Variants in MALRD1 observed in about 807,000 individuals in gnomAD.
MALRD1 encodes MAM and LDL-receptor class A domain-containing protein 1.
MALRD1 carries 247 observed loss-of-function variants against 242.1 expected under a neutral mutation model. That is an observed-to-expected ratio of 1.02 (90% CI 0.92 to 1.13). MALRD1 has a LOEUF of 1.13. Among genes scored for constraint, MALRD1 ranks in the 50% most tolerant of loss-of-function variants. The pLI is 0.00. For synonymous variants in MALRD1, 995 were observed against 866.6 expected (o/e 1.15, Z -2.60); for missense variants, 2,989 against 2,533.1 (o/e 1.18, Z -3.86).
At chr10:19,179,033 C>G (rs2131552492) in intron 14 of MALRD1, among the ~76,000 whole-genome samples, 1 of 152,296 alleles carries the variant, frequency 6.6e-6, no homozygotes, top group South Asian at 2.1e-4. Context: ...GTCCTGCTAA[C>G]TTTCAGTTTT....
At position 19,669,934 on chromosome 10, in the gene MALRD1, C is replaced by T. The variant is rs148200490; in HGVS notation, c.6138-22348C>T. Among the ~76,000 whole-genome samples the T allele has an allele frequency of 1.4e-3, 206 of 152,130 alleles. 2 individuals are homozygous for T. The highest frequency in any genetic ancestry group is 4.8e-3 in the African/African-American group (198 of 41,508). ...TGTTTATTATTTATCAAAATGGAGG[C>T]TCACACTAGAAGAAACAAAGAAATC... On this transcript the variant is annotated intron_variant, in intron 36 of 39. Transcript: ENST00000454679.
intron 4 of MALRD1, among the ~76,000 whole-genome samples, chr10:19,103,032 A>G (rs1836324645): frequency 6.6e-6 from 1 of 151,740 alleles, no homozygotes; most frequent in Non-Finnish European, 1.5e-5. Flanking sequence ...TATTTTTAGT[A>G]GAGACGGGGT....
Position 19,355,858 on chromosome 10 carries a change from T to TATATATATATATATATATATATATATATA in MALRD1, c.4441+3561_4441+3562insATATATATATATATATATATATATATATA, listed in dbSNP as rs57813656. 6.1e-3 allele frequency among the ~76,000 whole-genome samples: 578 copies of TATATATATATATATATATATATATATATA among 94,610 alleles called. 39 individuals are homozygous for TATATATATATATATATATATATATATATA. Among genetic ancestry groups the TATATATATATATATATATATATATATATA allele is most frequent in the South Asian group, 8.8e-3 (23 of 2,612 alleles). 62.1% of individuals were successfully genotyped at this position (94,610 alleles called of 152,430 possible). A position where few individuals can be genotyped will look rare whatever the true frequency, so the allele number is the denominator to read the frequency against. On this transcript the variant is annotated intron_variant, in intron 26 of 39. Transcript: ENST00000454679. ...AGAACATATATTATATATATATATA[T>TATATATATATATATATATATATATATATA]TATATATGATATATATTAGCTAAGC...
At chr10:19,126,777 C>T (rs1300650734) in intron 7 of MALRD1, among the ~76,000 whole-genome samples, 3 of 151,412 alleles carry the variant, frequency 2.0e-5, no homozygotes, top group African/African-American at 7.3e-5. Context: ...ATTTAAGTTC[C>T]AGGCTACATG....
At chr10:19,523,128 A>G (rs1419805253) in intron 31 of MALRD1, among the ~76,000 whole-genome samples, 1 of 152,110 alleles carries the variant, frequency 6.6e-6, no homozygotes, top group African/African-American at 2.4e-5. Flanking sequence ...TATGTACTAT[A>G]ATTATCTCTT....
chr10:19,491,150 C>A, intron 29 of MALRD1: 1 of 429,798 alleles, frequency 2.3e-6, no homozygotes, highest in South Asian at 2.0e-5. Flanking sequence ...GCACAAATGG[C>A]CAGGAAATCT....
intron 36 of MALRD1, among the ~76,000 whole-genome samples, chr10:19,669,128 T>C (rs556284078): frequency 1.6e-4 from 25 of 152,334 alleles, no homozygotes; most frequent in Non-Finnish European, 2.6e-4. Flanking sequence ...TGGAGTGATC[T>C]TCTTAGAAAC....
At chr10:19,671,416 G>A (rs545132717) in intron 36 of MALRD1, among the ~76,000 whole-genome samples, 19 of 152,152 alleles carry the variant, frequency 1.2e-4, no homozygotes, top group African/African-American at 4.3e-4. Flanking sequence ...TTAGAAGTTC[G>A]AGACCAGCCC....
chr10:19,398,744 T>C (rs1779839275), intron 28 of MALRD1, among the ~76,000 whole-genome samples: 1 of 152,252 alleles, frequency 6.6e-6, no homozygotes, highest in African/African-American at 2.4e-5. Flanking sequence ...GTTTACATTA[T>C]TTATTAAGAA....
At chr10:19,516,803 C>G (rs1273311607) in intron 31 of MALRD1, among the ~76,000 whole-genome samples, 1 of 149,706 alleles carries the variant, frequency 6.7e-6, no homozygotes, top group Non-Finnish European at 1.5e-5. Flanking sequence ...TCTCCTTCAT[C>G]ATTATCATTT....
chr10:19,715,090 T>G (rs1161640459), intron 38 of MALRD1, among the ~76,000 whole-genome samples: 2 of 152,112 alleles, frequency 1.3e-5, no homozygotes, highest in African/African-American at 2.4e-5. Context: ...GCTACGAAAT[T>G]TATTGCTCCT....
intron 2 of MALRD1, among the ~76,000 whole-genome samples, chr10:19,078,415 C>A (rs1835383794): frequency 6.6e-6 from 1 of 151,676 alleles, no homozygotes. Flanking sequence ...TTCCGCTTGA[C>A]CATGGCGAAA....
chr10:19,338,560 C>T (rs1448086851), intron 24 of MALRD1, among the ~76,000 whole-genome samples: 1 of 148,306 alleles, frequency 6.7e-6, no homozygotes, highest in Non-Finnish European at 1.5e-5. Context: ...CACCAGGTCC[C>T]TCCCTGACAT....
chr10:19,219,016 GA>G (rs1168377345), intron 18 of MALRD1, among the ~76,000 whole-genome samples: 1 of 152,000 alleles, frequency 6.6e-6, no homozygotes, highest in East Asian at 1.9e-4. Flanking sequence ...CCGCCAGTCT[GA>G]AAAATGTGTT....
intron 5 of MALRD1, among the ~76,000 whole-genome samples, chr10:19,109,587 C>T (rs1044159550): frequency 6.6e-6 from 1 of 152,184 alleles, no homozygotes. Flanking sequence ...GACTGGAATG[C>T]CTCCTGGCAA....
intron 18 of MALRD1, among the ~76,000 whole-genome samples, chr10:19,211,350 G>A (rs548916977): frequency 1.1e-4 from 16 of 151,960 alleles, no homozygotes; most frequent in Non-Finnish European, 1.3e-4. Flanking sequence ...ATTCAGGCCC[G>A]AAAAGATGAA....
chr10:19,115,738 T>C lies in MALRD1; in HGVS notation c.695-7754T>C, dbSNP rs560982419. ...TAAAAATATAAAAATTAGCCAGGTGTGGTGGCACATACCTGTAATCCCAGC... is the reference window on the plus strand; with the variant it reads ...TAAAAATATAAAAATTAGCCAGGTGCGGTGGCACATACCTGTAATCCCAGC... On this transcript the variant is annotated intron_variant, in intron 5 of 39. Coordinates refer to ENST00000454679, the MANE Select transcript of MALRD1 (RefSeq NM_001142308.3). Among the ~76,000 whole-genome samples the C allele has an allele frequency of 6.6e-5, 10 of 152,194 alleles. No homozygotes were observed. In the South Asian group the frequency reaches 2.1e-3, roughly 32 times the overall value.
chr10:19,550,797 T>A (rs1448515236), intron 32 of MALRD1, among the ~76,000 whole-genome samples: 1 of 152,182 alleles, frequency 6.6e-6, no homozygotes, highest in Non-Finnish European at 1.5e-5. Context: ...AGTGCTGCAA[T>A]GAACATACAT....
intron 35 of MALRD1, among the ~76,000 whole-genome samples, chr10:19,608,136 A>T (rs1442269860): frequency 1.3e-5 from 2 of 152,136 alleles, no homozygotes; most frequent in Non-Finnish European, 2.9e-5. Flanking sequence ...GAAAAGAAAA[A>T]TCAAATATGT....
Sources: allele counts gnomAD v4.1 joint callset (sites outside exome capture counted in the v4.1 genomes callset), GRCh38; gene constraint gnomAD v4.1.1; transcripts MANE v1.5; gene names NCBI Gene and HGNC (gene_info 2026-07-23, HGNC 2026-07-21).